Variants in ATXN1 observed in about 807,000 individuals in gnomAD.
The protein encoded by ATXN1 is ataxin 1.
In ATXN1, 8 loss-of-function variants were observed where a neutral mutation model predicts 56.4. That is an observed-to-expected ratio of 0.14 (90% CI 0.08 to 0.26). The LOEUF (loss-of-function observed/expected upper bound fraction) is 0.26, where lower values mean the gene tolerates loss of function less well. ATXN1 is among the 10% of genes least tolerant of loss of function. The pLI is 1.00. For synonymous variants in ATXN1, 514 were observed against 494.6 expected, an observed-to-expected ratio of 1.04 and a Z score of -0.52; for missense variants, 987 against 1,106.5, an observed-to-expected ratio of 0.89 and a Z score of 1.53.
intron 7 of ATXN1, among the ~76,000 whole-genome samples, chr6:16,318,743 T>C (rs1457189873): frequency 6.6e-6 from 1 of 152,176 alleles, no homozygotes; most frequent in Non-Finnish European, 1.5e-5. Context: ...CATTAAAAGC[T>C]GGGTTTTTCT....
intron 5 of ATXN1, among the ~76,000 whole-genome samples, chr6:16,515,237 C>A (rs1045319187): frequency 2.6e-5 from 4 of 152,084 alleles, no homozygotes; most frequent in Non-Finnish European, 5.9e-5. Flanking sequence ...TCTGGGACCC[C>A]AGTCTCTTTT....
chr6:16,346,108 C>A (rs1276290270), intron 6 of ATXN1, among the ~76,000 whole-genome samples: 1 of 152,134 alleles, frequency 6.6e-6, no homozygotes, highest in Non-Finnish European at 1.5e-5. Flanking sequence ...AGAGCTGGAG[C>A]GCAGTCACGT....
intron 4 of ATXN1, among the ~76,000 whole-genome samples, chr6:16,561,009 G>A (rs1762105791): frequency 6.6e-6 from 1 of 152,136 alleles, no homozygotes; most frequent in Non-Finnish European, 1.5e-5. Flanking sequence ...GAGACAATGG[G>A]AGTGAGTAAT....
chr6:16,465,664 G>T (rs191407196), intron 6 of ATXN1, among the ~76,000 whole-genome samples: 3 of 152,030 alleles, frequency 2.0e-5, no homozygotes, highest in Non-Finnish European at 2.9e-5. Context: ...ATGTTTGACC[G>T]GAAGACAAGA....
intron 3 of ATXN1, among the ~76,000 whole-genome samples, chr6:16,657,278 C>T (rs1647499672): frequency 6.6e-6 from 1 of 152,182 alleles, no homozygotes; most frequent in African/African-American, 2.4e-5. Context: ...TGAGCCACCA[C>T]ACCCAGCCCA....
At chr6:16,388,449 A>G (rs1758284953) in intron 6 of ATXN1, among the ~76,000 whole-genome samples, 1 of 152,096 alleles carries the variant, frequency 6.6e-6, no homozygotes, top group African/African-American at 2.4e-5. Flanking sequence ...AGACATATGG[A>G]CTCTCCTAAG....
At chr6:16,460,988 C>T (rs1465090105) in intron 6 of ATXN1, among the ~76,000 whole-genome samples, 1 of 152,210 alleles carries the variant, frequency 6.6e-6, no homozygotes, top group African/African-American at 2.4e-5. Flanking sequence ...GGGGAACCCC[C>T]ATTAAATACC....
At chr6:16,436,850 TGCTG>T (rs1759402906) in intron 6 of ATXN1, among the ~76,000 whole-genome samples, 1 of 152,174 alleles carries the variant, frequency 6.6e-6, no homozygotes, top group Non-Finnish European at 1.5e-5. Context: ...CACCAGTTCA[TGCTG>T]GCTGTTGCAT....
At chr6:16,454,051 A>G (rs1759812270) in intron 6 of ATXN1, among the ~76,000 whole-genome samples, 1 of 145,474 alleles carries the variant, frequency 6.9e-6, no homozygotes, top group African/African-American at 2.6e-5. Context: ...AATCGCTTGA[A>G]CCCAGGAAGT....
At chr6:16,388,215 A>G (rs1192138117) in intron 6 of ATXN1, among the ~76,000 whole-genome samples, 1 of 152,226 alleles carries the variant, frequency 6.6e-6, no homozygotes, top group Non-Finnish European at 1.5e-5. Flanking sequence ...TGCAGGTCCC[A>G]TGCAATGCTG....
intron 2 of ATXN1, among the ~76,000 whole-genome samples, chr6:16,691,034 T>C (rs146823986): frequency 2.2e-4 from 33 of 152,358 alleles, no homozygotes; most frequent in African/African-American, 7.7e-4. Context: ...ATTGTAGTGT[T>C]TGCAATCACT....
chr6:16,578,112 T>A (rs1762458578), intron 4 of ATXN1, among the ~76,000 whole-genome samples: 1 of 152,226 alleles, frequency 6.6e-6, no homozygotes, highest in African/African-American at 2.4e-5. Flanking sequence ...TAAATTCTGC[T>A]CATTACATAA....
chr6:16,588,587 T>A (rs1219047974), intron 3 of ATXN1, among the ~76,000 whole-genome samples: 1 of 152,216 alleles, frequency 6.6e-6, no homozygotes, highest in Non-Finnish European at 1.5e-5. Flanking sequence ...CCTCCCTGGT[T>A]ATAGTAGTCA....
At chr6:16,412,640 G>A (rs1173985271) in intron 6 of ATXN1, among the ~76,000 whole-genome samples, 1 of 152,166 alleles carries the variant, frequency 6.6e-6, no homozygotes, top group Non-Finnish European at 1.5e-5. Flanking sequence ...TGCCGCTCAA[G>A]GAGCTAATTA....
intron 2 of ATXN1, among the ~76,000 whole-genome samples, chr6:16,716,218 T>C (rs1759637580): frequency 1.1e-5 from 1 of 87,742 alleles, no homozygotes; most frequent in Non-Finnish European, 2.2e-5. Flanking sequence ...TCTTCATCAG[T>C]GTCTTAGCCC....
chr6:16,474,814 C>T (rs1202320609), intron 6 of ATXN1, among the ~76,000 whole-genome samples: 2 of 150,692 alleles, frequency 1.3e-5, no homozygotes, highest in Admixed American at 6.6e-5. Flanking sequence ...AGGTGCCTAG[C>T]CTGTAGCATA....
rs538531665 is a variant in ATXN1, at chr6:16,736,577, G to A, written c.-615+16656C>T. Among the ~76,000 whole-genome samples, 4 of 152,312 alleles carry A rather than the reference G, an allele frequency of 2.6e-5. No individual in the cohort carries two copies. The South Asian group carries it at 6.2e-4, about 24-fold the overall frequency. ...TTAGCCAAAACTGAATATATTTTAT[G>A]AGATACTGATTACTCACAAGAACAA... is the stretch of plus-strand genomic sequence containing the variant. On this transcript the variant is annotated intron_variant, in intron 2 of 7. Transcript: ENST00000436367.
intron 6 of ATXN1, among the ~76,000 whole-genome samples, chr6:16,458,103 C>A (rs998728966): frequency 6.6e-6 from 1 of 152,214 alleles, no homozygotes; most frequent in African/African-American, 2.4e-5. Flanking sequence ...GCTTTAGCTG[C>A]AGCCCGAGAA....
At chr6:16,649,344 T>A (rs1477023954) in intron 3 of ATXN1, among the ~76,000 whole-genome samples, 2 of 152,196 alleles carry the variant, frequency 1.3e-5, no homozygotes, top group Admixed American at 6.5e-5. Context: ...ATTGAAAATG[T>A]TACATCAACC....
Sources: allele counts gnomAD v4.1 joint callset (sites outside exome capture counted in the v4.1 genomes callset), GRCh38; gene constraint gnomAD v4.1.1; transcripts MANE v1.5; gene names NCBI Gene and HGNC (gene_info 2026-07-23, HGNC 2026-07-21).